The following SYT16 variants were observed in gnomAD, a reference collection of about 807,000 sequenced individuals.
SYT16 encodes synaptotagmin-16.
A neutral mutation model predicts 61.4 loss-of-function variants in SYT16; 42 were observed. The observed-to-expected ratio is 0.68, with a 90% CI of 0.53 to 0.89. SYT16 has a LOEUF of 0.89. SYT16 is among the 40% of genes least tolerant of loss of function. SYT16 has a pLI of 0.00. For missense variants in SYT16, 804 were observed against 807.3 expected (o/e 1.00, Z 0.05); for synonymous variants, 314 against 302.3 (o/e 1.04, Z -0.40).
chr14:61,885,050 T>G (rs1306881895), intron 1 of SYT16, among the ~76,000 whole-genome samples: 3 of 152,198 alleles, frequency 2.0e-5, no homozygotes, highest in Admixed American at 6.5e-5. Context: ...TTTGACTGAG[T>G]CACATCCAGC....
At chr14:61,991,330 T>TTGTGTGTGTGTGTGTGTG (rs71117861) in intron 2 of SYT16, among the ~76,000 whole-genome samples, 33 of 146,478 alleles carry the variant, frequency 2.3e-4, no homozygotes, top group African/African-American at 7.3e-4. Context: ...TGTTTTTCAT[T>TTGTGTGTGTGTGTGTGTG]TGTGTGTGTG....
intron 3 of SYT16, among the ~76,000 whole-genome samples, chr14:62,048,177 A>G (rs1276606700): frequency 6.6e-6 from 1 of 152,144 alleles, no homozygotes; most frequent in East Asian, 1.9e-4. Context: ...CCATTCAGGG[A>G]TTCAACTTCT....
intron 4 of SYT16, among the ~76,000 whole-genome samples, chr14:62,071,975 C>T (rs1333045898): frequency 6.6e-6 from 1 of 152,066 alleles, no homozygotes; most frequent in Non-Finnish European, 1.5e-5. Flanking sequence ...TCTCTTTTGT[C>T]CTGTGTATCT....
intron 3 of SYT16, among the ~76,000 whole-genome samples, chr14:62,027,524 T>C (rs2054148274): frequency 6.6e-6 from 1 of 152,176 alleles, no homozygotes; most frequent in Non-Finnish European, 1.5e-5. Flanking sequence ...TTTAAAAATG[T>C]TTACTATCAT....
intron 1 of SYT16, among the ~76,000 whole-genome samples, chr14:61,965,033 A>G (rs1008347475): frequency 1.3e-5 from 2 of 152,180 alleles, no homozygotes; most frequent in African/African-American, 4.8e-5. Context: ...AAATAAAAAA[A>G]TTGTGTGACT....
chr14:61,999,336 A>G (rs2052897658), intron 3 of SYT16, among the ~76,000 whole-genome samples: 1 of 151,622 alleles, frequency 6.6e-6, no homozygotes, highest in Non-Finnish European at 1.5e-5. Flanking sequence ...TTTTTTCTTA[A>G]GTGATTTTTT....
chr14:62,027,529 T>C (rs568158253), intron 3 of SYT16, among the ~76,000 whole-genome samples: 25 of 152,360 alleles, frequency 1.6e-4, no homozygotes, highest in African/African-American at 5.8e-4. Flanking sequence ...AAATGTTTAC[T>C]ATCATCCTTC....
At chr14:62,069,874 C>T in intron 4 of SYT16, 59 bp downstream of exon 4, 1 of 1,542,550 alleles carries the variant, frequency 6.5e-7, no homozygotes, top group Non-Finnish European at 8.9e-7. Context: ...AAGAGTGCAT[C>T]CGAATTATTC....
chr14:61,957,335 G>C (rs1490639921), intron 1 of SYT16, among the ~76,000 whole-genome samples: 2 of 151,754 alleles, frequency 1.3e-5, no homozygotes, highest in Admixed American at 6.6e-5. Flanking sequence ...TTCTGGTTAG[G>C]ACTTTCAGGA....
At chr14:61,854,320 T>A (rs2046709952) in intron 1 of SYT16, among the ~76,000 whole-genome samples, 1 of 152,236 alleles carries the variant, frequency 6.6e-6, no homozygotes, top group Non-Finnish European at 1.5e-5. Context: ...AGGGGCTAAT[T>A]TGTTGAATGA....
At chr14:61,978,052 C>T (rs115280365) in intron 2 of SYT16, among the ~76,000 whole-genome samples, 5,723 of 152,262 alleles carry the variant, frequency 0.038, 121 homozygotes, top group African/African-American at 0.048. Context: ...CTTCACCTCA[C>T]CTTCTTCTCT....
chr14:61,938,636 A>G (rs925806825), intron 1 of SYT16, among the ~76,000 whole-genome samples: 3 of 152,178 alleles, frequency 2.0e-5, no homozygotes. Context: ...TTTAAGGGGT[A>G]TCCTTAAGAG....
At chr14:62,086,690 C>T (rs1363634516) in intron 7 of SYT16, among the ~76,000 whole-genome samples, 2 of 152,056 alleles carry the variant, frequency 1.3e-5, no homozygotes, top group Non-Finnish European at 2.9e-5. Flanking sequence ...AGATGAAATT[C>T]CTGTAACAAA....
chr14:61,849,060 A>C (rs1289006295), intron 1 of SYT16, among the ~76,000 whole-genome samples: 2 of 152,180 alleles, frequency 1.3e-5, no homozygotes, highest in Non-Finnish European at 2.9e-5. Context: ...CTTCCCTTCA[A>C]GGCAGCAGGC....
rs56324432 is a variant in SYT16 at position 62,092,173 on chromosome 14, A to AACACACACAC, written c.1624+7833_1624+7842dup. Among the ~76,000 whole-genome samples, 1,168 of 131,342 alleles carry AACACACACAC rather than the reference A, an allele frequency of 8.9e-3. 13 individuals carry two copies. Among genetic ancestry groups the AACACACACAC allele is most frequent in the Admixed American group, 0.02 (248 of 12,446 alleles). The allele number at this position is 131,342 out of a possible 152,430, so 86.2% of individuals were successfully genotyped here. ...TCATACCCATTAGGATGGCTACTAT[A>AACACACACAC]ACACACACACACACACACACACACA... is the stretch of plus-strand genomic sequence containing the variant. On this transcript the variant is annotated intron_variant, in intron 7 of 7. Coordinates refer to ENST00000683842, the MANE Select transcript of SYT16 (RefSeq NM_001367656.1).
At chr14:61,895,413 C>T (rs1328009758) in intron 1 of SYT16, among the ~76,000 whole-genome samples, 2 of 152,116 alleles carry the variant, frequency 1.3e-5, no homozygotes, top group African/African-American at 4.8e-5. Context: ...TAAATGTGTC[C>T]ACTTTTCAGC....
rs964068309 is a variant in SYT16 at position 61,934,541 on chromosome 14, G to A, written c.-324-35591G>A. Among the ~76,000 whole-genome samples the A allele has an allele frequency of 6.6e-5, 10 of 152,184 alleles. No homozygotes were observed. In the South Asian group the frequency reaches 1.0e-3, roughly 16 times the overall value. ...TTGGGACTACACTTGTGGGTAGCAC[G>A]TGCTTAGATGTATTATTATAGCCAG... On this transcript the variant is annotated intron_variant, in intron 1 of 7. Transcript: ENST00000683842.
chr14:62,035,091 A>AAGGGTAATTTTTGG (rs2054457422), intron 3 of SYT16, among the ~76,000 whole-genome samples: 1 of 152,078 alleles, frequency 6.6e-6, no homozygotes, highest in Non-Finnish European at 1.5e-5. Flanking sequence ...GGTGCATTGG[A>AAGGGTAATTTTTGG]AGGGTAATTT....
At chr14:61,836,537 T>C (rs1169401044) in intron 1 of SYT16, among the ~76,000 whole-genome samples, 1 of 152,200 alleles carries the variant, frequency 6.6e-6, no homozygotes, top group Non-Finnish European at 1.5e-5. Context: ...CTACATTCCT[T>C]CCCCAGTCCC....
Sources: gnomAD v4.1 joint callset for allele counts (sites outside exome capture counted in the v4.1 genomes callset) on GRCh38, gnomAD v4.1.1 for gene constraint, MANE v1.5 for transcripts, NCBI Gene and HGNC (gene_info 2026-07-23, HGNC 2026-07-21) for gene names.